PIP5KL1: variants seen among roughly 807,000 people sequenced by gnomAD.
The protein encoded by PIP5KL1 is phosphatidylinositol-4-phosphate 5-kinase like 1, also known as phosphatidylinositol 4-phosphate 5-kinase-like protein 1.
PIP5KL1 carries 45 observed loss-of-function variants against 47.6 expected under a neutral mutation model. That is an observed-to-expected ratio of 0.94 (90% CI 0.74 to 1.21). The LOEUF (loss-of-function observed/expected upper bound fraction) is 1.21, where lower values mean the gene tolerates loss of function less well. Among genes scored for constraint, PIP5KL1 ranks in the 50% most tolerant of loss-of-function variants. The pLI is 0.00. For synonymous variants in PIP5KL1, 256 were observed against 234.6 expected (o/e 1.09, Z -0.84); for missense variants, 577 against 547.6 (o/e 1.05, Z -0.54).
chr9:127,925,169 G>A lies in PIP5KL1; in HGVS notation c.855C>T (p.Ala285=), dbSNP rs1213455075. The A allele has an allele frequency of 1.2e-6, 2 of 1,614,186 alleles. No individual in the cohort carries two copies. Among genetic ancestry groups the A allele is most frequent in the Admixed American group, 1.7e-5 (1 of 60,032 alleles). The change falls in exon 9 of 10, where the codon GCC becomes GCT. Residue 285 remains alanine (A), a synonymous_variant. Coordinates refer to ENST00000388747, the MANE Select transcript of PIP5KL1 (RefSeq NM_001135219.2). ...LNVLDYSLLI[A]FQRLHEDERG... is the part of the protein sequence containing the mutation. The stretch of plus-strand genomic sequence containing the variant: ...TCTCATCCTCGTGGAGACGTTGGAA[G>A]GCTATCAGGAGGCTGTAATCCAGCA...
At position 127,929,882 on chromosome 9, in the gene PIP5KL1, G is replaced by T; in HGVS notation, c.34C>A (p.Leu12Met). 6.6e-7 allele frequency: 1 copy of T among 1,526,564 alleles called. No homozygotes were observed. Among genetic ancestry groups the T allele is most frequent in the Non-Finnish European group, 8.8e-7 (1 of 1,136,208 alleles). 94.6% of individuals were successfully genotyped at this position (1,526,564 alleles called of 1,614,324 possible). The change falls in exon 2 of 10, where the codon CTG (leucine) becomes ATG (methionine). Residue 12 changes from leucine (L) to methionine (M), a missense_variant. Coordinates refer to ENST00000388747, the MANE Select transcript of PIP5KL1 (RefSeq NM_001135219.2). The surrounding 1 kb of genome is among the most constrained non-coding windows in gnomAD (Gnocchi z 4.0). Reference protein sequence around the residue: ...AAPSPGPREVLAPSPEAGCRA... With the variant: ...AAPSPGPREVMAPSPEAGCRA... ...CATCCAGCCTCAGGGGAGGGGGCCA[G>T]GACCTGGTGGGAGGAGGCACAGGAC... is the stretch of plus-strand genomic sequence containing the variant.
intron 8 of PIP5KL1, 119 bp from the exon 9 acceptor site, chr9:127,925,379 T>A: frequency 8.1e-7 from 1 of 1,241,786 alleles, no homozygotes; most frequent in Admixed American, 2.8e-5. Flanking sequence ...ATAAAGAAAC[T>A]CATCTGTAAT....
Position 127,929,719 on chromosome 9 carries a change from G to A in PIP5KL1, c.197C>T (p.Ala66Val). ...TCMMQAGLWAATQVSMDHPPT... is the reference protein window; with the variant it reads ...TCMMQAGLWAVTQVSMDHPPT... ...TGGGTGGTCCATGGAGACCTGGGTG[G>A]CAGCCCACAGCCCTGCCTGCATCAT... Residue 66 changes from alanine (A) to valine (V), a missense_variant, in exon 2 of 10, where the codon GCC becomes GTC. By Grantham distance (64) the Ala-to-Val change is moderately conservative (BLOSUM62 0). Coordinates refer to ENST00000388747, the MANE Select transcript of PIP5KL1 (RefSeq NM_001135219.2). The surrounding 1 kb of genome is among the most constrained non-coding windows in gnomAD (Gnocchi z 4.0). 2 of 1,582,866 alleles carry A rather than the reference G, an allele frequency of 1.3e-6. No individual in the cohort carries two copies. The highest frequency in any genetic ancestry group is 8.6e-7 in the Non-Finnish European group (1 of 1,163,026).
intron 8 of PIP5KL1, 81 bp downstream of exon 8, chr9:127,925,786 A>T: frequency 1.6e-6 from 2 of 1,229,426 alleles, no homozygotes; most frequent in Non-Finnish European, 2.4e-6. Flanking sequence ...TTAATAACTC[A>T]GGCAGAGGGC....
At position 127,927,392 on chromosome 9, in the gene PIP5KL1, G is replaced by T; in HGVS notation, c.560-61C>A. 1 of 1,549,110 alleles carries T rather than the reference G, an allele frequency of 6.5e-7. No homozygotes were observed. The highest frequency in any genetic ancestry group is 1.2e-5 in the South Asian group (1 of 85,448). On this transcript the variant is annotated intron_variant, in intron 5 of 9. Coordinates refer to ENST00000388747, the MANE Select transcript of PIP5KL1 (RefSeq NM_001135219.2). This position sits in a 1 kb window ranked among gnomAD's most constrained non-coding sequence, Gnocchi z 5.5. ...AACTCCACAACCCGGGGTGCATCCG[G>T]CGCCAATCCCAGCGCCAGGCCACGC...
chr9:127,926,068 G>T, intron 7 of PIP5KL1, 89 bp from the exon 8 acceptor site: 1 of 836,522 alleles, frequency 1.2e-6, no homozygotes, highest in South Asian at 1.7e-5. Context: ...TATGTGCACT[G>T]AACTATTACA....
At chr9:127,925,803 GACACCCTTCTAA>G in intron 8 of PIP5KL1, 52 bp downstream of exon 8, 1 of 1,367,036 alleles carries the variant, frequency 7.3e-7, no homozygotes, top group Non-Finnish European at 1.0e-6. Context: ...GGGCAGCAGG[GACACCCTTCTAA>G]ACTTCACCCT....
rs770618082 is a variant in PIP5KL1, at chr9:127,928,508, A to G, written c.229-25T>C. ...CCTGCAGGGAGAGGTAGAGGAGCTCAGGGCAACCCTCAGTCCCCTGCTGCC... is the reference window on the plus strand; with the variant it reads ...CCTGCAGGGAGAGGTAGAGGAGCTCGGGGCAACCCTCAGTCCCCTGCTGCC... On this transcript the variant is annotated intron_variant, in intron 2 of 9. Transcript: ENST00000388747. The G allele has an allele frequency of 4.5e-6, 7 of 1,567,334 alleles. No individual in the cohort carries two copies. The South Asian group carries it at 8.3e-5, about 19-fold the overall frequency.
Position 127,925,872 on chromosome 9 carries a change from T to C in PIP5KL1, c.758A>G (p.Asn253Ser). ...TGGCCACCCCCGTGGCTCACCCAGGTTGATGGTCTTGCCCTGAAAGTTGAG... is the reference window on the plus strand; with the variant it reads ...TGGCCACCCCCGTGGCTCACCCAGGCTGATGGTCTTGCCCTGAAAGTTGAG... ...KDLNFQGKTI[N>S]LGPQRSWFLR... Residue 253 changes from asparagine to serine, a missense_variant, in exon 8 of 10, where the codon AAC becomes AGC. Transcript: ENST00000388747. 6.2e-7 allele frequency: 1 copy of C among 1,613,802 alleles called. No individual in the cohort carries two copies. The highest frequency in any genetic ancestry group is 8.5e-7 in the Non-Finnish European group (1 of 1,179,818).
In PIP5KL1 at chr9:127,927,915, TC is replaced by T. The variant is rs1158887614; in HGVS notation, c.435-144del. 2.2e-5 allele frequency: 32 copies of T among 1,463,268 alleles called. No homozygotes were observed. In the African/African-American group the frequency reaches 4.5e-4, roughly 20 times the overall value. 90.6% of individuals were successfully genotyped at this position (1,463,268 alleles called of 1,614,324 possible). On this transcript the variant is annotated intron_variant, in intron 4 of 9. Coordinates refer to ENST00000388747, the MANE Select transcript of PIP5KL1 (RefSeq NM_001135219.2). This position sits in a 1 kb window ranked among gnomAD's most constrained non-coding sequence, Gnocchi z 5.5. ...GCCTTCGGCCCTCGCCCTCCTCTCC[TC>T]CCCGATCTGTCCACCATCCGGCCCT...
At position 127,921,752 on chromosome 9, in the gene PIP5KL1, A is replaced by C. The variant is rs1010015631; in HGVS notation, c.*95T>G. On this transcript the variant is annotated 3_prime_UTR_variant, in exon 10 of 10. Coordinates refer to ENST00000388747, the MANE Select transcript of PIP5KL1 (RefSeq NM_001135219.2). ...GGGATGCTGCCCTCTGGCGACCATC[A>C]GGAGGAAGCGCAGGCGAGATGCCCG... The C allele has an allele frequency of 4.9e-6, 7 of 1,438,108 alleles. No individual in the cohort carries two copies. The highest frequency in any genetic ancestry group is 1.4e-5 in the African/African-American group (1 of 70,330). 89.1% of individuals were successfully genotyped at this position (1,438,108 alleles called of 1,614,324 possible). A position where few individuals can be genotyped will look rare whatever the true frequency, so the allele number is the denominator to read the frequency against.
chr9:127,929,942 A>C lies in PIP5KL1; in HGVS notation c.31-57T>G. 1.9e-5 allele frequency: 26 copies of C among 1,393,584 alleles called. No homozygotes were observed. The highest frequency in any genetic ancestry group is 2.9e-5 in the African/African-American group (2 of 68,748). 86.3% of individuals were successfully genotyped at this position (1,393,584 alleles called of 1,614,324 possible). A position where few individuals can be genotyped will look rare whatever the true frequency, so the allele number is the denominator to read the frequency against. On this transcript the variant is annotated intron_variant, in intron 1 of 9. Transcript: ENST00000388747. This position sits in a 1 kb window ranked among gnomAD's most constrained non-coding sequence, Gnocchi z 4.0. ...GGCAGCGTCACAGAGGAAAAAGATC[A>C]GGGTTCAAGTCCCACTTCCACTACT...
chr9:127,925,314 G>T, intron 8 of PIP5KL1, 54 bp from the exon 9 acceptor site: 1 of 1,589,088 alleles, frequency 6.3e-7, no homozygotes, highest in East Asian at 2.2e-5. Flanking sequence ...CAGCCACGGT[G>T]CTCCACACAC....
chr9:127,925,844 C>G (rs1219181590), intron 8 of PIP5KL1, 23 bp downstream of exon 8: 29 of 1,571,420 alleles, frequency 1.8e-5, no homozygotes, highest in Non-Finnish European at 2.5e-5. Context: ...GAGGAACAGG[C>G]AGTGGCCACC....
At chr9:127,924,844 A>G (rs1588683580) in intron 9 of PIP5KL1, among the ~76,000 whole-genome samples, 2 of 151,764 alleles carry the variant, frequency 1.3e-5, no homozygotes, top group Admixed American at 6.6e-5. Flanking sequence ...CTCCTGCCCT[A>G]CCAGCCAGGC....
At position 127,927,757 on chromosome 9, in the gene PIP5KL1, G is replaced by C; in HGVS notation, c.450C>G (p.Phe150Leu). The C allele has an allele frequency of 1.3e-6, 2 of 1,562,074 alleles. No individual in the cohort carries two copies. Among genetic ancestry groups the C allele is most frequent in the Non-Finnish European group, 1.7e-6 (2 of 1,154,298 alleles). ...ASFFLSHDQR[F>L]FLKTQGRREV... ...CTCGGCGCCCCTGGGTCTTCAGGAA[G>C]AAGCGCTGGTCGTGGCTGGGGGGCA... The change falls in exon 5 of 10, where the codon TTC becomes TTG. Residue 150 changes from phenylalanine (F) to leucine (L), a missense_variant. By Grantham distance (22) the Phe-to-Leu change is conservative. Transcript: ENST00000388747. This position sits in a 1 kb window ranked among gnomAD's most constrained non-coding sequence, Gnocchi z 5.5.
chr9:127,922,727 AAAAAGAAAAG>A (rs1283211204), intron 9 of PIP5KL1, among the ~76,000 whole-genome samples: 1 of 151,668 alleles, frequency 6.6e-6, no homozygotes, highest in African/African-American at 2.4e-5. Context: ...AAGAAAAAGA[AAAAAGAAAAG>A]AAAAGAAAGA....
chr9:127,930,434 G>A (rs1831419625), intron 1 of PIP5KL1, among the ~76,000 whole-genome samples: 1 of 152,222 alleles, frequency 6.6e-6, no homozygotes, highest in East Asian at 1.9e-4. Flanking sequence ...GGCATCCACC[G>A]CGTGCCCCGC....
rs1400693020 is a variant in PIP5KL1, at chr9:127,927,138, G to A, written c.650+15C>T. The A allele has an allele frequency of 6.2e-7, 1 of 1,605,536 alleles. No homozygotes were observed. Among genetic ancestry groups the A allele is most frequent in the Non-Finnish European group, 8.5e-7 (1 of 1,174,720 alleles). On this transcript the variant is annotated intron_variant, in intron 7 of 9. Transcript: ENST00000388747. This position sits in a 1 kb window ranked among gnomAD's most constrained non-coding sequence, Gnocchi z 5.5. ...TCGGCTGGGATGGGGGCCCAAACCT[G>A]CTTAGGCCACTCACCTCTCGGAGAT...
Sources: gnomAD v4.1 joint callset for allele counts (sites outside exome capture counted in the v4.1 genomes callset) on GRCh38, gnomAD v4.1.1 for gene constraint, Gnocchi (gnomAD v3.1) non-coding constraint, MANE v1.5 for transcripts, NCBI Gene and HGNC (gene_info 2026-07-23, HGNC 2026-07-21) for gene names.